Variants in SNX27 observed in about 807,000 individuals in gnomAD.
SNX27 encodes the protein sorting nexin 27.
In SNX27, 22 loss-of-function variants were observed where a neutral mutation model predicts 71.6. The ratio of observed to expected loss-of-function variants is 0.31; its 90% CI spans 0.22 to 0.44. SNX27 has a LOEUF of 0.44. SNX27 is among the 20% of genes least tolerant of loss of function. SNX27 has a pLI of 1.00. For missense variants in SNX27, 531 were observed against 698.6 expected, an observed-to-expected ratio of 0.76 and a Z score of 2.70; for synonymous variants, 269 against 277.2, an observed-to-expected ratio of 0.97 and a Z score of 0.29.
At chr1:151,623,338 C>T (rs566234336) in intron 1 of SNX27, among the ~76,000 whole-genome samples, 1 of 152,142 alleles carries the variant, frequency 6.6e-6, no homozygotes, top group Non-Finnish European at 1.5e-5. Context: ...GACGGGGTTT[C>T]ACCTTGTTAG....
chr1:151,696,478 TTTCTTTCTTTCTTTCTTTCTTTCTTTCG>T lies in SNX27; in HGVS notation c.*2069_*2096del, dbSNP rs1258432331. On this transcript the variant is annotated 3_prime_UTR_variant, in exon 12 of 12. Transcript: ENST00000458013. ...AGGCCACTTTTTCTTTCTTTCTTTCTTTCTTTCTTTCTTTCTTTCTTTCTTTCGTTCTTTCGTTCTTTCGTTCTTTCTT... is the reference window on the plus strand; with the variant it reads ...AGGCCACTTTTTCTTTCTTTCTTTCTTTCTTTCGTTCTTTCGTTCTTTCTT... 1 of 124,264 alleles carries T rather than the reference TTTCTTTCTTTCTTTCTTTCTTTCTTTCG, an allele frequency of 8.0e-6. No homozygotes were observed. The highest frequency in any genetic ancestry group is 8.3e-5 in the Admixed American group (1 of 12,062). The allele number at this position is 124,264 out of a possible 1,614,324, so 7.7% of individuals were successfully genotyped here. A position where few individuals can be genotyped will look rare whatever the true frequency, so the allele number is the denominator to read the frequency against.
rs1671498482 is a variant in SNX27 at position 151,692,448 on chromosome 1, T to C, written c.1253T>C (p.Leu418Pro). Residue 418 changes from leucine to proline, a missense_variant, in exon 9 of 12, where the codon CTA becomes CCA. Coordinates refer to ENST00000458013, the MANE Select transcript of SNX27 (RefSeq NM_001330723.2). ...QRKMVMYLNMLRTCEGYNEII... is the reference protein window; with the variant it reads ...QRKMVMYLNMPRTCEGYNEII... The stretch of plus-strand genomic sequence containing the variant: ...TTTTTTTTTTAGTACCTCAACATGC[T>C]AAGGACTTGTGAGGGCTACAATGAA... The C allele has an allele frequency of 1.8e-6, 1 of 548,852 alleles. No individual in the cohort carries two copies. The highest frequency in any genetic ancestry group is 3.4e-6 in the Non-Finnish European group (1 of 297,814). 34.0% of individuals were successfully genotyped at this position (548,852 alleles called of 1,614,324 possible).
Position 151,657,759 on chromosome 1 carries a change from G to A in SNX27, c.544-476G>A, listed in dbSNP as rs145481537. ...AGATCACACTCCTCCTGCTGGGTGC[G>A]GTGGTTCAAGGTGGGTGGATCACCT... On this transcript the variant is annotated intron_variant, in intron 2 of 11. Coordinates refer to ENST00000458013, the MANE Select transcript of SNX27 (RefSeq NM_001330723.2). 7.8e-4 allele frequency among the ~76,000 whole-genome samples: 118 copies of A among 152,214 alleles called. 2 individuals are homozygous for A. In the East Asian group the frequency reaches 0.015, roughly 19 times the overall value.
rs1367584091 is a variant in SNX27 at position 151,612,057 on chromosome 1, G to A, written c.-145G>A. ...GCCCCCTGCCTCCTCTTCACCCCGC[G>A]CCAGCAGCTCGGTGGCCGAGTCGGT... On this transcript the variant is annotated 5_prime_UTR_variant, in exon 1 of 12. Transcript: ENST00000458013. This position sits in a 1 kb window ranked among gnomAD's most constrained non-coding sequence, Gnocchi z 5.2. 2.2e-6 allele frequency: 2 copies of A among 907,000 alleles called. No individual in the cohort carries two copies. The highest frequency in any genetic ancestry group is 7.3e-4 in the Middle Eastern group (2 of 2,732). 56.2% of individuals were successfully genotyped at this position (907,000 alleles called of 1,614,324 possible).
chr1:151,626,531 T>G (rs1026302240), intron 1 of SNX27, among the ~76,000 whole-genome samples: 1 of 152,110 alleles, frequency 6.6e-6, no homozygotes, highest in African/African-American at 2.4e-5. Context: ...GAGAAACCTG[T>G]CTCTACTGAA....
chr1:151,631,273 CA>C (rs986406170), intron 1 of SNX27, among the ~76,000 whole-genome samples: 1 of 152,086 alleles, frequency 6.6e-6, no homozygotes, highest in African/African-American at 2.4e-5. Context: ...TCTCATATGC[CA>C]GGGGTCTTTT....
intron 2 of SNX27, among the ~76,000 whole-genome samples, chr1:151,655,479 C>T (rs1381910390): frequency 1.3e-5 from 2 of 152,166 alleles, no homozygotes; most frequent in Non-Finnish European, 2.9e-5. Flanking sequence ...ATGATTAGTC[C>T]TGCAAATTGT....
intron 1 of SNX27, among the ~76,000 whole-genome samples, chr1:151,613,647 C>G (rs758409962): frequency 1.2e-4 from 19 of 152,070 alleles, no homozygotes; most frequent in Non-Finnish European, 2.8e-4. Context: ...ATACGCCTCC[C>G]CCACCACATC....
At chr1:151,659,404 G>A (rs1317752674) in intron 3 of SNX27, among the ~76,000 whole-genome samples, 3 of 152,054 alleles carry the variant, frequency 2.0e-5, no homozygotes, top group African/African-American at 7.2e-5. Context: ...CGCACCACAT[G>A]CCCGGCTGAT....
intron 1 of SNX27, among the ~76,000 whole-genome samples, chr1:151,638,184 T>G (rs944219624): frequency 1.8e-4 from 28 of 152,232 alleles, no homozygotes; most frequent in Non-Finnish European, 3.7e-4. Context: ...TTTTTTAGTT[T>G]GGACTGATTA....
chr1:151,691,733 C>T (rs1354658293), intron 8 of SNX27, among the ~76,000 whole-genome samples: 9 of 151,990 alleles, frequency 5.9e-5, no homozygotes, highest in Admixed American at 3.3e-4. Flanking sequence ...CCAGGATGGT[C>T]TTGATTTCCT....
intron 1 of SNX27, among the ~76,000 whole-genome samples, chr1:151,613,001 C>A (rs148412761): frequency 1.3e-5 from 2 of 152,070 alleles, no homozygotes; most frequent in African/African-American, 2.4e-5. Flanking sequence ...CCCTTCTGCC[C>A]TCCAGACCAA....
At chr1:151,645,302 G>C (rs1284301543) in intron 2 of SNX27, among the ~76,000 whole-genome samples, 1 of 152,090 alleles carries the variant, frequency 6.6e-6, no homozygotes, top group Non-Finnish European at 1.5e-5. Flanking sequence ...GTCATTTTGG[G>C]ATTGGTTTCT....
chr1:151,634,319 A>G (rs1462842621), intron 1 of SNX27, among the ~76,000 whole-genome samples: 1 of 152,226 alleles, frequency 6.6e-6, no homozygotes, highest in Non-Finnish European at 1.5e-5. Flanking sequence ...CAGAGGGTCA[A>G]AATAGTATTT....
At chr1:151,681,460 T>G (rs1670963197) in intron 7 of SNX27, among the ~76,000 whole-genome samples, 1 of 151,936 alleles carries the variant, frequency 6.6e-6, no homozygotes, top group Non-Finnish European at 1.5e-5. Flanking sequence ...GCCAGGATGG[T>G]CTCGATCTCC....
At chr1:151,671,780 A>T (rs1173027802) in intron 7 of SNX27, among the ~76,000 whole-genome samples, 1 of 151,682 alleles carries the variant, frequency 6.6e-6, no homozygotes, top group African/African-American at 2.4e-5. Flanking sequence ...TTTCTTTCAT[A>T]GTGTTTTAAT....
At chr1:151,621,155 T>G (rs1269319818) in intron 1 of SNX27, among the ~76,000 whole-genome samples, 1 of 152,202 alleles carries the variant, frequency 6.6e-6, no homozygotes, top group Admixed American at 6.5e-5. Context: ...GTTTAAGACC[T>G]GGTGGTGATC....
At chr1:151,646,241 A>G (rs1669027729) in intron 2 of SNX27, among the ~76,000 whole-genome samples, 1 of 152,072 alleles carries the variant, frequency 6.6e-6, no homozygotes. Context: ...ACCTATTTAT[A>G]CATTTATAAT....
rs1667245982 is a variant in SNX27, at chr1:151,612,809, T to C, written c.311+297T>C. 6.6e-6 allele frequency among the ~76,000 whole-genome samples: 1 copy of C among 152,076 alleles called. No individual in the cohort carries two copies. Among genetic ancestry groups the C allele is most frequent in the Admixed American group, 6.6e-5 (1 of 15,264 alleles). On this transcript the variant is annotated intron_variant, in intron 1 of 11. Coordinates refer to ENST00000458013, the MANE Select transcript of SNX27 (RefSeq NM_001330723.2). The surrounding 1 kb of genome is among the most constrained non-coding windows in gnomAD (Gnocchi z 5.2). Reference sequence around the variant, plus strand: ...TGGGCTCTTCTCCGCCCCTTTGCCTTCCCGTTTGGCGTGCTGCATTCTGCT... The same window carrying C: ...TGGGCTCTTCTCCGCCCCTTTGCCTCCCCGTTTGGCGTGCTGCATTCTGCT...
Sources: gnomAD v4.1 joint callset for allele counts (sites outside exome capture counted in the v4.1 genomes callset) on GRCh38, gnomAD v4.1.1 for gene constraint, Gnocchi (gnomAD v3.1) non-coding constraint, MANE v1.5 for transcripts, NCBI Gene and HGNC (gene_info 2026-07-23, HGNC 2026-07-21) for gene names.